The following SPAG16 variants were observed in gnomAD, a reference collection of about 807,000 sequenced individuals.
The protein encoded by SPAG16 is sperm-associated antigen 16 protein.
A neutral mutation model predicts 80.4 loss-of-function variants in SPAG16; 86 were observed. That is an observed-to-expected ratio of 1.07 (90% CI 0.90 to 1.28). The LOEUF (loss-of-function observed/expected upper bound fraction) is 1.28, where lower values mean the gene tolerates loss of function less well. Among genes scored for constraint, SPAG16 ranks in the 50% most tolerant of loss-of-function variants. The pLI is 0.00. For synonymous variants in SPAG16, 294 were observed against 265.9 expected, an observed-to-expected ratio of 1.11 and a Z score of -1.03; for missense variants, 870 against 765.3, an observed-to-expected ratio of 1.14 and a Z score of -1.61.
intron 10 of SPAG16, among the ~76,000 whole-genome samples, chr2:213,533,344 G>C (rs1416854750): frequency 1.3e-5 from 2 of 152,126 alleles, no homozygotes; most frequent in Non-Finnish European, 1.5e-5. Context: ...TTCTGCACCA[G>C]ACCTTCACTT....
chr2:214,005,276 A>G (rs909842173), intron 12 of SPAG16, among the ~76,000 whole-genome samples: 3 of 152,104 alleles, frequency 2.0e-5, no homozygotes, highest in Middle Eastern at 3.2e-3. Flanking sequence ...CTGAGTGAGG[A>G]CTTGAAGGCA....
Position 214,212,972 on chromosome 2 carries a change from T to C in SPAG16, c.1720+63706T>C, listed in dbSNP as rs185969598. Among the ~76,000 whole-genome samples, 191 of 152,286 alleles carry C rather than the reference T, an allele frequency of 1.3e-3. 2 individuals are homozygous for C. Among genetic ancestry groups the C allele is most frequent in the African/African-American group, 4.0e-3 (166 of 41,560 alleles). ...CTGAAGGCACGGTGGGCCACCATTA[T>C]TGTCAATATAATCAAAGAACTTTTT... On this transcript the variant is annotated intron_variant, in intron 15 of 15. Coordinates refer to ENST00000331683, the MANE Select transcript of SPAG16 (RefSeq NM_024532.5).
intron 9 of SPAG16, among the ~76,000 whole-genome samples, chr2:213,429,091 CA>C (rs10710536): frequency 0.37 from 47,376 of 128,794 alleles, 7,850 homozygotes; most frequent in Middle Eastern, 0.55. Flanking sequence ...GACTCCATCT[CA>C]AAAAAAAAAA....
intron 15 of SPAG16, among the ~76,000 whole-genome samples, chr2:214,259,903 A>T (rs1406372724): frequency 6.6e-6 from 1 of 152,162 alleles, no homozygotes; most frequent in Non-Finnish European, 1.5e-5. Flanking sequence ...AGATCTTTCC[A>T]TTATGAAAGC....
At chr2:214,235,839 T>TA (rs1689037779) in intron 15 of SPAG16, among the ~76,000 whole-genome samples, 1 of 152,202 alleles carries the variant, frequency 6.6e-6, no homozygotes, top group South Asian at 2.1e-4. Context: ...GTATTATAGC[T>TA]ATGACAACAG....
rs557171332 is a variant in SPAG16, at chr2:213,642,848, A to G, written c.1070+152758A>G. On this transcript the variant is annotated intron_variant, in intron 10 of 15. Coordinates refer to ENST00000331683, the MANE Select transcript of SPAG16 (RefSeq NM_024532.5). ...AAAAAAAAAAAAAAAAAAAAAAAAA[A>G]AGAGAGACTGGTCTAACCTCCCAGC... Among the ~76,000 whole-genome samples the G allele has an allele frequency of 3.8e-3, 526 of 137,166 alleles. 111 individuals carry two copies. Among genetic ancestry groups the G allele is most frequent in the Non-Finnish European group, 6.4e-3 (405 of 63,590 alleles). The allele number at this position is 137,166 out of a possible 152,430, so 90.0% of individuals were successfully genotyped here.
chr2:213,882,714 T>C (rs77541643), intron 11 of SPAG16, among the ~76,000 whole-genome samples: 4,404 of 152,282 alleles, frequency 0.029, 77 homozygotes, highest in South Asian at 0.059. Flanking sequence ...TAGCTAGTGG[T>C]CTATTCATCT....
At chr2:214,164,847 A>G (rs2056582788) in intron 15 of SPAG16, among the ~76,000 whole-genome samples, 1 of 152,170 alleles carries the variant, frequency 6.6e-6, no homozygotes, top group Non-Finnish European at 1.5e-5. Flanking sequence ...GAGACTTAAC[A>G]GTATAAAATG....
At chr2:213,312,308 AT>A (rs2063223657) in intron 4 of SPAG16, among the ~76,000 whole-genome samples, 2 of 151,662 alleles carry the variant, frequency 1.3e-5, no homozygotes, top group South Asian at 4.1e-4. Context: ...TTATATGCCT[AT>A]TTTAGAATTC....
chr2:213,958,903 G>T (rs6722817), intron 12 of SPAG16, among the ~76,000 whole-genome samples: 1 of 151,842 alleles, frequency 6.6e-6, no homozygotes, highest in Non-Finnish European at 1.5e-5. Context: ...GTCATTTTAC[G>T]CTGCAGGACT....
chr2:213,481,702 A>C (rs2073759220), intron 9 of SPAG16, among the ~76,000 whole-genome samples: 1 of 152,228 alleles, frequency 6.6e-6, no homozygotes, highest in Admixed American at 6.5e-5. Flanking sequence ...AGTAGTAGGA[A>C]CTATGCCAGC....
rs113551597 is a variant in SPAG16 at position 213,534,970 on chromosome 2, A to G, written c.1070+44880A>G. On this transcript the variant is annotated intron_variant, in intron 10 of 15. Transcript: ENST00000331683. ...TTAAAAGAAGAGTAGATTAGGACAT[A>G]AAGACACACAAAGCAGGACCGTGTA... 7.9e-4 allele frequency among the ~76,000 whole-genome samples: 120 copies of G among 152,206 alleles called. 2 individuals are homozygous for G. Among genetic ancestry groups the G allele is most frequent in the Middle Eastern group, 3.4e-3 (1 of 294 alleles).
chr2:213,718,556 G>A (rs1234302270), intron 10 of SPAG16, among the ~76,000 whole-genome samples: 1 of 152,232 alleles, frequency 6.6e-6, no homozygotes, highest in Non-Finnish European at 1.5e-5. Context: ...TTCCGGGTGG[G>A]CGTGGGCTTG....
chr2:213,529,001 A>G (rs1422885935), intron 10 of SPAG16, among the ~76,000 whole-genome samples: 1 of 152,188 alleles, frequency 6.6e-6, no homozygotes, highest in African/African-American at 2.4e-5. Flanking sequence ...TTGGTATTAA[A>G]TTCTAATGAG....
chr2:213,344,197 A>AG (rs1213217719), intron 6 of SPAG16, among the ~76,000 whole-genome samples: 1 of 152,108 alleles, frequency 6.6e-6, no homozygotes, highest in Non-Finnish European at 1.5e-5. Context: ...TTAAATAGCC[A>AG]GGGGTAATTT....
chr2:213,661,804 G>A (rs865959013), intron 10 of SPAG16, among the ~76,000 whole-genome samples: 2 of 152,090 alleles, frequency 1.3e-5, no homozygotes, highest in Non-Finnish European at 2.9e-5. Context: ...TGTCAAAAAT[G>A]TGTTACTTAT....
chr2:213,497,553 C>T (rs967663539), intron 10 of SPAG16, among the ~76,000 whole-genome samples: 3 of 151,614 alleles, frequency 2.0e-5, no homozygotes, highest in Admixed American at 6.6e-5. Flanking sequence ...TTCATAGACT[C>T]GGTGATAGAC....
At chr2:213,464,306 A>G (rs1294880709) in intron 9 of SPAG16, among the ~76,000 whole-genome samples, 1 of 152,152 alleles carries the variant, frequency 6.6e-6, no homozygotes, top group Admixed American at 6.5e-5. Flanking sequence ...CTCTTAAGAA[A>G]GTTTTCTGAA....
In SPAG16 at chr2:213,363,338, C is replaced by A. The variant is rs147454925; in HGVS notation, c.763-738C>A. ...TAGTAATCTTTTACTTTTTTTTAAC[C>A]TAGGCATTTCATGAGCACTCATCTA... is the stretch of plus-strand genomic sequence containing the variant. On this transcript the variant is annotated intron_variant, in intron 7 of 15. Coordinates refer to ENST00000331683, the MANE Select transcript of SPAG16 (RefSeq NM_024532.5). 4.6e-4 allele frequency among the ~76,000 whole-genome samples: 69 copies of A among 151,248 alleles called. No individual in the cohort carries two copies. The Middle Eastern group carries it at 0.017, about 38-fold the overall frequency.
Sources: allele counts gnomAD v4.1 joint callset (sites outside exome capture counted in the v4.1 genomes callset), GRCh38; gene constraint gnomAD v4.1.1; transcripts MANE v1.5; gene names NCBI Gene and HGNC (gene_info 2026-07-23, HGNC 2026-07-21).